KDM4C: variants seen among roughly 807,000 people sequenced by gnomAD.
KDM4C encodes lysine-specific demethylase 4C.
KDM4C carries 81 observed loss-of-function variants against 129.3 expected under a neutral mutation model. That is an observed-to-expected ratio of 0.63 (90% CI 0.52 to 0.75). The LOEUF is 0.75. Among genes scored for constraint, KDM4C ranks in the 30% least tolerant of loss-of-function variants. The pLI, the probability that KDM4C is intolerant of heterozygous loss-of-function variation, is 0.00. For missense variants in KDM4C, 1,457 were observed against 1,304.0 expected (o/e 1.12, Z -1.81); for synonymous variants, 573 against 456.1 (o/e 1.26, Z -3.26).
At chr9:7,016,378 C>T (rs1188907090) in intron 15 of KDM4C, among the ~76,000 whole-genome samples, 5 of 150,106 alleles carry the variant, frequency 3.3e-5, no homozygotes, top group African/African-American at 4.9e-5. Flanking sequence ...CTGCTCGCCT[C>T]GGCCTCCCAA....
intron 8 of KDM4C, among the ~76,000 whole-genome samples, chr9:6,896,405 CA>C (rs1167585895): frequency 6.6e-6 from 1 of 151,394 alleles, no homozygotes; most frequent in Non-Finnish European, 1.5e-5. Context: ...ATTAAATAAG[CA>C]AAATAGTGCA....
At chr9:7,096,857 C>G (rs1404555712) in intron 17 of KDM4C, among the ~76,000 whole-genome samples, 2 of 152,064 alleles carry the variant, frequency 1.3e-5, no homozygotes, top group Non-Finnish European at 1.5e-5. Context: ...AATGGTAGTC[C>G]TAATTTCCAC....
At chr9:6,895,204 T>A (rs1404361650) in intron 8 of KDM4C, among the ~76,000 whole-genome samples, 1 of 152,238 alleles carries the variant, frequency 6.6e-6, no homozygotes, top group Admixed American at 6.5e-5. Context: ...TAGCCATTTA[T>A]TATCTCATGG....
chr9:6,987,933 GATCCCCTCGAGC>G (rs905746751), intron 11 of KDM4C, among the ~76,000 whole-genome samples: 60 of 151,520 alleles, frequency 4.0e-4, no homozygotes, highest in African/African-American at 1.4e-3. Flanking sequence ...GTGGTGGGAG[GATCCCCTCGAGC>G]CCAGAGGTTC....
At chr9:7,155,076 T>A (rs1299782466) in intron 19 of KDM4C, among the ~76,000 whole-genome samples, 1 of 152,232 alleles carries the variant, frequency 6.6e-6, no homozygotes, top group Admixed American at 6.5e-5. Flanking sequence ...TTTCTATAAT[T>A]GACCTTAGAT....
At chr9:6,798,482 A>G (rs948930609) in intron 2 of KDM4C, among the ~76,000 whole-genome samples, 4 of 152,070 alleles carry the variant, frequency 2.6e-5, no homozygotes, top group Non-Finnish European at 4.4e-5. Context: ...TTAACAAAGC[A>G]CATCTTGCAC....
chr9:7,055,728 A>G (rs60487710), intron 17 of KDM4C, among the ~76,000 whole-genome samples: 6,016 of 152,272 alleles, frequency 0.04, 403 homozygotes, highest in African/African-American at 0.14. Flanking sequence ...TCTCTTGCCA[A>G]CTGACTCATG....
At chr9:6,805,026 G>A (rs576600142) in intron 2 of KDM4C, among the ~76,000 whole-genome samples, 98 of 151,878 alleles carry the variant, frequency 6.5e-4, no homozygotes, top group African/African-American at 2.2e-3. Context: ...TCAGCCTCCC[G>A]GGTAGCTGGG....
At position 6,888,042 on chromosome 9, in the gene KDM4C, A is replaced by G; in HGVS notation, c.762A>G (p.Lys254=). 1 of 1,583,142 alleles carries G rather than the reference A, an allele frequency of 6.3e-7. No individual in the cohort carries two copies. The change falls in exon 7 of 22, where the codon AAA becomes AAG. Residue 254 remains lysine, a synonymous_variant. Coordinates refer to ENST00000381309, the MANE Select transcript of KDM4C (RefSeq NM_015061.6). ...MTLISPSVLK[K]YGIPFDKITQ... is the part of the protein sequence containing the mutation. ...TGATTTCTCCATCAGTATTGAAGAA[A>G]TATGGTATTCCCTTTGACAAGGTAT...
intron 11 of KDM4C, among the ~76,000 whole-genome samples, chr9:6,988,158 T>TAAA (rs60244122): frequency 1.2e-5 from 1 of 85,322 alleles, no homozygotes; most frequent in African/African-American, 4.6e-5. Context: ...CCCTGTCTCT[T>TAAA]AAAAAAAAAA....
At chr9:6,987,283 A>T (rs766586983) in intron 11 of KDM4C, among the ~76,000 whole-genome samples, 4 of 152,126 alleles carry the variant, frequency 2.6e-5, no homozygotes, top group Non-Finnish European at 5.9e-5. Flanking sequence ...CCCCTCCTCG[A>T]AAGAGGCCCT....
intron 12 of KDM4C, among the ~76,000 whole-genome samples, chr9:7,003,542 A>G (rs1366203389): frequency 6.6e-6 from 1 of 151,444 alleles, no homozygotes; most frequent in African/African-American, 2.4e-5. Flanking sequence ...ATACTTTTGT[A>G]TCAGTGTTAT....
intron 17 of KDM4C, among the ~76,000 whole-genome samples, chr9:7,062,054 GC>G (rs1315047469): frequency 6.6e-6 from 1 of 151,234 alleles, no homozygotes; most frequent in Non-Finnish European, 1.5e-5. Context: ...TGCAAGCTCC[GC>G]CTCCCAGGTT....
intron 12 of KDM4C, among the ~76,000 whole-genome samples, chr9:7,006,542 A>G (rs1563970767): frequency 1.3e-5 from 2 of 152,120 alleles, no homozygotes; most frequent in Non-Finnish European, 2.9e-5. Flanking sequence ...GATGCATTTA[A>G]GACACCTTGG....
intron 11 of KDM4C, among the ~76,000 whole-genome samples, chr9:6,987,811 A>C (rs1817989041): frequency 6.6e-6 from 1 of 152,120 alleles, no homozygotes; most frequent in African/African-American, 2.4e-5. Context: ...GGTTTCTTTG[A>C]AAAGGTGCCT....
intron 8 of KDM4C, among the ~76,000 whole-genome samples, chr9:6,949,365 C>G (rs1443280321): frequency 1.3e-5 from 2 of 151,830 alleles, no homozygotes; most frequent in Non-Finnish European, 2.9e-5. Context: ...ACTTCCCAGA[C>G]TGGGCAGAGG....
intron 5 of KDM4C, among the ~76,000 whole-genome samples, chr9:6,875,395 C>T (rs756637865): frequency 1.3e-5 from 2 of 152,002 alleles, no homozygotes; most frequent in African/African-American, 2.4e-5. Flanking sequence ...TTCTCCTGGG[C>T]GGGTCTTGAG....
chr9:7,068,132 G>A (rs535937161), intron 17 of KDM4C, among the ~76,000 whole-genome samples: 1 of 152,318 alleles, frequency 6.6e-6, no homozygotes, highest in South Asian at 2.1e-4. Flanking sequence ...AATAACTTGG[G>A]AGGATGCAGC....
At chr9:6,755,855 A>C (rs774380779), upstream of KDM4C, among the ~76,000 whole-genome samples, 10 of 152,208 alleles carry the variant, frequency 6.6e-5, no homozygotes, top group Non-Finnish European at 1.3e-4. Flanking sequence ...TCACTTTCCA[A>C]GACTGTGAAG....
Sources: allele counts gnomAD v4.1 joint callset (sites outside exome capture counted in the v4.1 genomes callset), GRCh38; gene constraint gnomAD v4.1.1; transcripts MANE v1.5; gene names NCBI Gene and HGNC (gene_info 2026-07-23, HGNC 2026-07-21).